Variants in LMAN2 observed in about 807,000 individuals in gnomAD.
LMAN2 encodes the protein lectin, mannose binding 2.
Under a neutral mutation model 39.3 loss-of-function variants are expected in LMAN2, and 22 were observed. That is an observed-to-expected ratio of 0.56 (90% CI 0.40 to 0.80). The LOEUF (loss-of-function observed/expected upper bound fraction) is 0.80, where lower values mean the gene tolerates loss of function less well. Among genes scored for constraint, LMAN2 ranks in the 30% least tolerant of loss-of-function variants. The probability of loss-of-function intolerance (pLI) is 0.00; values close to 1 mark genes in which losing one functional copy is unlikely to be tolerated. For missense variants in LMAN2, 494 were observed against 505.4 expected (o/e 0.98, Z 0.22); for synonymous variants, 207 against 207.8 (o/e 1.00, Z 0.03).
intron 6 of LMAN2, among the ~76,000 whole-genome samples, chr5:177,334,948 G>A (rs904383607): frequency 7.2e-5 from 11 of 152,182 alleles, no homozygotes; most frequent in African/African-American, 2.7e-4. Context: ...TGAGCCTAAC[G>A]CAGGTCAGCA....
Position 177,332,289 on chromosome 5 carries a change from CG to C in LMAN2, c.911-44del, listed in dbSNP as rs770642696. ...GGGGAGCTGAAACGGCAGCACGGGC[CG>C]GGGATCAGGGGGCTGCAGGAGGGCA... is the stretch of plus-strand genomic sequence containing the variant. On this transcript the variant is annotated intron_variant, in intron 7 of 7. Transcript: ENST00000303127. This position sits in a 1 kb window ranked among gnomAD's most constrained non-coding sequence, Gnocchi z 6.3. 1.9e-6 allele frequency: 3 copies of C among 1,590,430 alleles called. No individual in the cohort carries two copies. Among genetic ancestry groups the C allele is most frequent in the Non-Finnish European group, 2.6e-6 (3 of 1,166,114 alleles).
rs1761498737 is a variant in LMAN2, at chr5:177,337,898, C to G, written c.434-113G>C. 3.6e-6 allele frequency: 3 copies of G among 831,388 alleles called. No homozygotes were observed. The highest frequency in any genetic ancestry group is 5.9e-6 in the Non-Finnish European group (3 of 505,632). The allele number at this position is 831,388 out of a possible 1,614,324, so 51.5% of individuals were successfully genotyped here. ...GGGGCAAGAGAGCCCAACCCACTGG[C>G]CATTCACCGAGAGAGAAGGGATCGT... On this transcript the variant is annotated intron_variant, in intron 3 of 7. Coordinates refer to ENST00000303127, the MANE Select transcript of LMAN2 (RefSeq NM_006816.3). The surrounding 1 kb of genome is among the most constrained non-coding windows in gnomAD (Gnocchi z 8.2).
rs1413471213 is a variant in LMAN2, at chr5:177,337,080, CCCAGTCCCT to C, written c.790+47_790+55del. 6.7e-6 allele frequency: 9 copies of C among 1,346,840 alleles called. No homozygotes were observed. The highest frequency in any genetic ancestry group is 8.4e-6 in the Non-Finnish European group (8 of 948,718). 83.4% of individuals were successfully genotyped at this position (1,346,840 alleles called of 1,614,324 possible). On this transcript the variant is annotated intron_variant, in intron 6 of 7. Transcript: ENST00000303127. The surrounding 1 kb of genome is among the most constrained non-coding windows in gnomAD (Gnocchi z 8.2). The stretch of plus-strand genomic sequence containing the variant: ...CAGGCAATCAACTGCATGGAAAGCT[CCCAGTCCCT>C]CAGGGTGAGCTGGGCTGGGAACCAA...
intron 7 of LMAN2, among the ~76,000 whole-genome samples, chr5:177,333,601 GC>G (rs1561602872): frequency 6.6e-6 from 1 of 152,238 alleles, no homozygotes. Flanking sequence ...CCAGGGCTGG[GC>G]TACGACAGAG....
chr5:177,338,702 T>C (rs1761511556), intron 2 of LMAN2, 97 bp from the exon 3 acceptor site: 1 of 949,292 alleles, frequency 1.1e-6, no homozygotes, highest in Admixed American at 1.7e-5. Context: ...AGACCTCTCT[T>C]CTCTCCCCAG....
At chr5:177,338,711 AGCTAAGACTGGGCACTCCTTG>A (rs1761511585) in intron 2 of LMAN2, 106 bp from the exon 3 acceptor site, 1 of 880,618 alleles carries the variant, frequency 1.1e-6, no homozygotes. Context: ...TTCTCTCCCC[AGCTAAGACTGGGCACTCCTTG>A]GCACAGGGCC....
At position 177,332,405 on chromosome 5, in the gene LMAN2, C is replaced by A; in HGVS notation, c.911-159G>T. 1 of 658,246 alleles carries A rather than the reference C, an allele frequency of 1.5e-6. No homozygotes were observed. Among genetic ancestry groups the A allele is most frequent in the Non-Finnish European group, 2.6e-6 (1 of 386,726 alleles). 40.8% of individuals were successfully genotyped at this position (658,246 alleles called of 1,614,324 possible). ...GGAGGGGCAGAGGTCAGGTGAAGCC[C>A]ATCCCAGCCAGCTCTGCAGTCCCCA... On this transcript the variant is annotated intron_variant, in intron 7 of 7. Transcript: ENST00000303127. The surrounding 1 kb of genome is among the most constrained non-coding windows in gnomAD (Gnocchi z 6.3).
At chr5:177,349,531 T>C (rs1046757089) in intron 2 of LMAN2, among the ~76,000 whole-genome samples, 1 of 152,084 alleles carries the variant, frequency 6.6e-6, no homozygotes, top group Non-Finnish European at 1.5e-5. Context: ...GACTGAAAAT[T>C]CGATGAAGGC....
chr5:177,334,349 G>T lies in LMAN2; in HGVS notation c.845C>A (p.Pro282His). ...KLFQLMVEHT[P>H]DEESIDWTKI... ...GGTCCAGTCGATGCTCTCCTCGTCG[G>T]GCGTGTGCTCCACCATCAGCTGGAA... The change falls in exon 7 of 8, where the codon CCC becomes CAC. Residue 282 changes from proline to histidine, a missense_variant. Physicochemically the swap from Pro to His is moderately conservative, Grantham distance 77 (BLOSUM62 -2). Coordinates refer to ENST00000303127, the MANE Select transcript of LMAN2 (RefSeq NM_006816.3). 1 of 1,613,702 alleles carries T rather than the reference G, an allele frequency of 6.2e-7. No individual in the cohort carries two copies. Among genetic ancestry groups the T allele is most frequent in the Non-Finnish European group, 8.5e-7 (1 of 1,180,020 alleles).
At position 177,337,629 on chromosome 5, in the gene LMAN2, G is replaced by C. The variant is rs1327045148; in HGVS notation, c.513+77C>G. The C allele has an allele frequency of 3.7e-6, 6 of 1,601,784 alleles. No individual in the cohort carries two copies. In the East Asian group the frequency reaches 1.1e-4, roughly 30 times the overall value. ...AGGCTCCTCTTGTGCTGGGACCATG[G>C]AAGTCCCAGGGCCCCCTCCTCTAGC... is the stretch of plus-strand genomic sequence containing the variant. On this transcript the variant is annotated intron_variant, in intron 4 of 7. Coordinates refer to ENST00000303127, the MANE Select transcript of LMAN2 (RefSeq NM_006816.3). This position sits in a 1 kb window ranked among gnomAD's most constrained non-coding sequence, Gnocchi z 8.2.
chr5:177,341,969 AG>A (rs1761560067), intron 2 of LMAN2, among the ~76,000 whole-genome samples: 1 of 152,206 alleles, frequency 6.6e-6, no homozygotes. Context: ...CTAATAGAAG[AG>A]GAAAAATAGG....
At chr5:177,348,808 A>G (rs1279985524) in intron 2 of LMAN2, among the ~76,000 whole-genome samples, 3 of 150,298 alleles carry the variant, frequency 2.0e-5, no homozygotes, top group Non-Finnish European at 4.4e-5. Context: ...CACTTGAACC[A>G]GGAAGGCGGA....
intron 2 of LMAN2, among the ~76,000 whole-genome samples, chr5:177,344,762 C>T (rs187267855): frequency 2.3e-3 from 346 of 151,352 alleles, no homozygotes; most frequent in Non-Finnish European, 3.4e-3. Context: ...AAAAATTAGC[C>T]GGGTGCGGTG....
Position 177,343,601 on chromosome 5 carries a change from TACTC to T in LMAN2, c.316-5000_316-4997del, listed in dbSNP as rs1393418426. Among the ~76,000 whole-genome samples the T allele has an allele frequency of 3.5e-5, 4 of 113,468 alleles. No individual in the cohort carries two copies. The African/African-American group carries it at 3.7e-4, about 10-fold the overall frequency. The allele number at this position is 113,468 out of a possible 152,430, so 74.4% of individuals were successfully genotyped here. ...CACACACACACACACACACGAATAT[TACTC>T]AGCAACAAAAAGGAATGCAGTACTG... On this transcript the variant is annotated intron_variant, in intron 2 of 7. Coordinates refer to ENST00000303127, the MANE Select transcript of LMAN2 (RefSeq NM_006816.3).
chr5:177,333,781 G>A (rs1432969549), intron 7 of LMAN2, among the ~76,000 whole-genome samples: 1 of 152,242 alleles, frequency 6.6e-6, no homozygotes, highest in Admixed American at 6.5e-5. Context: ...TTCGGGTTTT[G>A]TAGAAACCCA....
At chr5:177,342,502 C>T (rs1476097848) in intron 2 of LMAN2, among the ~76,000 whole-genome samples, 3 of 152,082 alleles carry the variant, frequency 2.0e-5, no homozygotes, top group East Asian at 1.9e-4. Context: ...CCAGGCAACA[C>T]GGTGAAAACC....
In LMAN2 at chr5:177,351,556, G is replaced by A. The variant is rs1465398394; in HGVS notation, c.92C>T (p.Thr31Ile). 2 of 1,614,260 alleles carry A rather than the reference G, an allele frequency of 1.2e-6. No individual in the cohort carries two copies. Among genetic ancestry groups the A allele is most frequent in the South Asian group, 1.1e-5 (1 of 91,088 alleles). The change falls in exon 1 of 8, where the codon ACA (threonine) becomes ATA (isoleucine). Residue 31 changes from threonine (T) to isoleucine (I), a missense_variant. Physicochemically the swap from Thr to Ile is moderately conservative, Grantham distance 89 (BLOSUM62 -1). Coordinates refer to ENST00000303127, the MANE Select transcript of LMAN2 (RefSeq NM_006816.3). ...CAACAACAAAAGAAGAAAGAGAGGT[G>A]TAGTGGGGCCAGGGCCGGGGCCGAG... ...GLLGPGPGPT[T>I]PLFLLLLLGS...
In LMAN2 at chr5:177,337,705, C is replaced by T. The variant is rs1241197686; in HGVS notation, c.513+1G>A. The T allele has an allele frequency of 6.2e-7, 1 of 1,613,796 alleles. No individual in the cohort carries two copies. The highest frequency in any genetic ancestry group is 8.5e-7 in the Non-Finnish European group (1 of 1,179,914). ...CTCAGCAGGATAGAGCAGGGGCCTA[C>T]CTCAGTGGTCTCATCATTGGGGTAG... On this transcript the variant is annotated splice_donor_variant, in intron 4 of 7. Transcript: ENST00000303127. LOFTEE classifies it high-confidence loss of function. The surrounding 1 kb of genome is among the most constrained non-coding windows in gnomAD (Gnocchi z 8.2).
intron 6 of LMAN2, among the ~76,000 whole-genome samples, chr5:177,335,245 A>C (rs1481170272): frequency 6.6e-6 from 1 of 152,214 alleles, no homozygotes; most frequent in Non-Finnish European, 1.5e-5. Context: ...GCCCTGCAGG[A>C]CAAGGACCGG....
Sources: allele counts gnomAD v4.1 joint callset (sites outside exome capture counted in the v4.1 genomes callset), GRCh38; gene constraint gnomAD v4.1.1; non-coding constraint Gnocchi (gnomAD v3.1); transcripts MANE v1.5; gene names NCBI Gene and HGNC (gene_info 2026-07-23, HGNC 2026-07-21).